The following ABCC3 variants were observed in gnomAD, a reference collection of about 807,000 sequenced individuals.
ABCC3 encodes ATP-binding cassette sub-family C member 3.
ABCC3 carries 121 observed loss-of-function variants against 165.3 expected under a neutral mutation model. The observed-to-expected ratio is 0.73, with a 90% CI of 0.63 to 0.85. The LOEUF (loss-of-function observed/expected upper bound fraction) is 0.85, where lower values mean the gene tolerates loss of function less well. ABCC3 is among the 40% of genes least tolerant of loss of function. The probability of loss-of-function intolerance (pLI) is 0.00; values close to 1 mark genes in which losing one functional copy is unlikely to be tolerated. For synonymous variants in ABCC3, 733 were observed against 810.1 expected (o/e 0.90, Z 1.62); for missense variants, 1,869 against 1,964.1 (o/e 0.95, Z 0.92).
At chr17:50,649,587 A>AG (rs1567826064) in intron 1 of ABCC3, among the ~76,000 whole-genome samples, 70 of 72,224 alleles carry the variant, frequency 9.7e-4, no homozygotes, top group African/African-American at 3.1e-3. Context: ...TGTCAAAAAA[A>AG]GAAGGAGAGG....
chr17:50,658,282 C>T, intron 5 of ABCC3, 75 bp downstream of exon 5: 1 of 1,605,922 alleles, frequency 6.2e-7, no homozygotes, highest in Non-Finnish European at 8.5e-7. Flanking sequence ...GCCCCCAACC[C>T]CTCCAGTTCC....
At chr17:50,673,831 A>T (rs902887719) in intron 19 of ABCC3, among the ~76,000 whole-genome samples, 173 bp downstream of exon 19, 6 of 151,648 alleles carry the variant, frequency 4.0e-5, no homozygotes. Flanking sequence ...GTCGGGTCCC[A>T]CTGCCTCCTC....
chr17:50,671,995 T>C (rs901533410), intron 17 of ABCC3, among the ~76,000 whole-genome samples: 2 of 152,012 alleles, frequency 1.3e-5, no homozygotes, highest in African/African-American at 4.8e-5. Flanking sequence ...TTGCTGGGAT[T>C]ACAGGCATGA....
At chr17:50,649,642 G>A (rs1967074821) in intron 1 of ABCC3, among the ~76,000 whole-genome samples, 1 of 146,840 alleles carries the variant, frequency 6.8e-6, no homozygotes, top group African/African-American at 2.5e-5. Context: ...GGGGAAGGGA[G>A]GAAAGGAGAA....
chr17:50,684,995 G>T, intron 29 of ABCC3, 120 bp downstream of exon 29: 1 of 1,137,426 alleles, frequency 8.8e-7, no homozygotes, highest in Non-Finnish European at 1.2e-6. Flanking sequence ...GCACAGGGCT[G>T]TCCTTTCGTA....
intron 1 of ABCC3, among the ~76,000 whole-genome samples, chr17:50,638,941 G>A (rs9891029): frequency 9.5e-4 from 145 of 152,306 alleles, no homozygotes; most frequent in African/African-American, 3.1e-3. Flanking sequence ...GCTTGGGGGC[G>A]AAGGCTATGC....
At chr17:50,653,477 G>A (rs566283766) in intron 1 of ABCC3, among the ~76,000 whole-genome samples, 4 of 151,014 alleles carry the variant, frequency 2.6e-5, no homozygotes, top group East Asian at 2.0e-4. Flanking sequence ...TCGGCTGGGC[G>A]TGGTGGCTCA....
In ABCC3 at chr17:50,655,914, T is replaced by C. The variant is rs1208331778; in HGVS notation, c.128T>C (p.Ile43Thr). Residue 43 changes from isoleucine to threonine, a missense_variant, in exon 2 of 31, where the codon ATC becomes ACC. Ile to Thr is a moderately conservative substitution (Grantham distance 89, BLOSUM62 -1). Coordinates refer to ENST00000285238, the MANE Select transcript of ABCC3 (RefSeq NM_003786.4). ...QNSLLAWVPC[I>T]YLWVALPCYL... ...TCCCTGCTGGCCTGGGTGCCCTGCA[T>C]CTACCTGTGGGTCGCCCTGCCCTGC... is the stretch of plus-strand genomic sequence containing the variant. The C allele has an allele frequency of 6.2e-7, 1 of 1,614,048 alleles. No homozygotes were observed. The highest frequency in any genetic ancestry group is 8.5e-7 in the Non-Finnish European group (1 of 1,179,996).
chr17:50,643,285 G>A (rs1319642943), intron 1 of ABCC3, among the ~76,000 whole-genome samples: 1 of 152,248 alleles, frequency 6.6e-6, no homozygotes, highest in Non-Finnish European at 1.5e-5. Context: ...AGGCCTAGAG[G>A]TGTGTCCTGT....
chr17:50,672,924 C>A, intron 17 of ABCC3, 47 bp from the exon 18 acceptor site: 1 of 1,585,550 alleles, frequency 6.3e-7, no homozygotes, highest in Non-Finnish European at 8.6e-7. Context: ...CCGTTGTCTC[C>A]CTGTGCCTGT....
Position 50,658,508 on chromosome 17 carries a change from C to T in ABCC3, c.674+12C>T. Reference sequence around the variant, plus strand: ...TGGTGGTTCACAAAGTGAGTTGGCTCTTCCACCAGCCAGGCCAGAGGGAGG... The same window carrying T: ...TGGTGGTTCACAAAGTGAGTTGGCTTTTCCACCAGCCAGGCCAGAGGGAGG... On this transcript the variant is annotated intron_variant, in intron 6 of 30. Coordinates refer to ENST00000285238, the MANE Select transcript of ABCC3 (RefSeq NM_003786.4). 6.2e-7 allele frequency: 1 copy of T among 1,611,804 alleles called. No individual in the cohort carries two copies. Among genetic ancestry groups the T allele is most frequent in the Non-Finnish European group, 8.5e-7 (1 of 1,177,860 alleles).
chr17:50,660,635 G>A (rs1167143077), intron 7 of ABCC3, among the ~76,000 whole-genome samples: 2 of 152,098 alleles, frequency 1.3e-5, no homozygotes, highest in African/African-American at 2.4e-5. Flanking sequence ...CCCTCTTGGC[G>A]TCCTCCCTGG....
intron 18 of ABCC3, 115 bp from the exon 19 acceptor site, chr17:50,673,354 C>A: frequency 1.5e-6 from 2 of 1,374,498 alleles, no homozygotes; most frequent in Non-Finnish European, 2.0e-6. Flanking sequence ...CACCCATGTG[C>A]CTGTCCAAGC....
intron 1 of ABCC3, among the ~76,000 whole-genome samples, chr17:50,642,851 G>T (rs1966917827): frequency 6.6e-6 from 1 of 152,242 alleles, no homozygotes; most frequent in Non-Finnish European, 1.5e-5. Flanking sequence ...ACTCCCTTGT[G>T]AGTCAATGGC....
At position 50,645,200 on chromosome 17, in the gene ABCC3, TA is replaced by T. The variant is rs564267933; in HGVS notation, c.45+10235del. 8.8e-3 allele frequency among the ~76,000 whole-genome samples: 1,040 copies of T among 118,260 alleles called. 8 individuals are homozygous for T. Among genetic ancestry groups the T allele is most frequent in the African/African-American group, 0.019 (604 of 31,666 alleles). 77.6% of individuals were successfully genotyped at this position (118,260 alleles called of 152,430 possible). ...TGGGTGACAGAGCGAGACTTGGCCT[TA>T]AAAAAAAAAAAAAAAGAAAGAAATT... On this transcript the variant is annotated intron_variant, in intron 1 of 30. Transcript: ENST00000285238.
chr17:50,655,928 G>A lies in ABCC3; in HGVS notation c.142G>A (p.Ala48Thr), dbSNP rs757334041. The A allele has an allele frequency of 2.7e-5, 44 of 1,613,878 alleles. No homozygotes were observed. Among genetic ancestry groups the A allele is most frequent in the Admixed American group, 2.2e-4 (13 of 59,980 alleles). ...AWVPCIYLWV[A>T]LPCYLLYLRH... ...GGTGCCCTGCATCTACCTGTGGGTC[G>A]CCCTGCCCTGCTACTTGCTCTACCT... The change falls in exon 2 of 31, where the codon GCC (alanine) becomes ACC (threonine). Residue 48 changes from alanine (A) to threonine (T), a missense_variant. Coordinates refer to ENST00000285238, the MANE Select transcript of ABCC3 (RefSeq NM_003786.4).
At chr17:50,682,572 C>A (rs914127639) in intron 26 of ABCC3, among the ~76,000 whole-genome samples, 32 of 151,992 alleles carry the variant, frequency 2.1e-4, no homozygotes, top group Non-Finnish European at 1.3e-4. Flanking sequence ...GCCTGGCATG[C>A]CCTCCCTCCA....
intron 1 of ABCC3, among the ~76,000 whole-genome samples, chr17:50,653,469 G>A (rs751058453): frequency 7.3e-5 from 11 of 151,622 alleles, no homozygotes; most frequent in Admixed American, 2.0e-4. Flanking sequence ...GTAAAGACTC[G>A]GCTGGGCGTG....
chr17:50,677,670 A>G (rs1029980055), intron 23 of ABCC3, 74 bp from the exon 24 acceptor site: 3 of 1,429,354 alleles, frequency 2.1e-6, no homozygotes, highest in African/African-American at 2.8e-5. Context: ...CTGAAAATGG[A>G]TGAGTTCAGA....
Sources: allele counts gnomAD v4.1 joint callset (sites outside exome capture counted in the v4.1 genomes callset), GRCh38; gene constraint gnomAD v4.1.1; transcripts MANE v1.5; gene names NCBI Gene and HGNC (gene_info 2026-07-23, HGNC 2026-07-21).